UROC1: variants seen among roughly 807,000 people sequenced by gnomAD.
The protein encoded by UROC1 is urocanate hydratase 1.
A neutral mutation model predicts 89.5 loss-of-function variants in UROC1; 79 were observed. That is an observed-to-expected ratio of 0.88 (90% CI 0.74 to 1.06). The LOEUF is 1.06. Ranked by LOEUF, UROC1 falls within the 50% of genes least tolerant of loss-of-function variation. The probability of loss-of-function intolerance (pLI) is 0.00; values close to 1 mark genes in which losing one functional copy is unlikely to be tolerated. For synonymous variants in UROC1, 361 were observed against 354.8 expected (o/e 1.02, Z -0.20); for missense variants, 885 against 907.8 (o/e 0.97, Z 0.32).
At chr3:126,510,096 C>G (rs971926164) in intron 2 of UROC1, among the ~76,000 whole-genome samples, 1 of 152,186 alleles carries the variant, frequency 6.6e-6, no homozygotes, top group Non-Finnish European at 1.5e-5. Flanking sequence ...GGGAACAACC[C>G]TGGGATGACT....
chr3:126,503,976 G>C lies in UROC1; in HGVS notation c.902+19C>G, dbSNP rs376055817. On this transcript the variant is annotated intron_variant, in intron 9 of 19. Coordinates refer to ENST00000290868, the MANE Select transcript of UROC1 (RefSeq NM_144639.3). ...ACGTGTCAGGTGTCAGGTGTCCGGA[G>C]TTGAGCTTGGAGCTGTACCTGAGCC... The C allele has an allele frequency of 6.2e-7, 1 of 1,613,898 alleles. No homozygotes were observed. Among genetic ancestry groups the C allele is most frequent in the African/African-American group, 1.3e-5 (1 of 75,066 alleles).
At chr3:126,506,755 A>G (rs1368566312) in intron 6 of UROC1, among the ~76,000 whole-genome samples, 1 of 152,224 alleles carries the variant, frequency 6.6e-6, no homozygotes, top group Non-Finnish European at 1.5e-5. Flanking sequence ...TCTCCTTTTC[A>G]GTGTAGCTCC....
chr3:126,503,149 C>T (rs1935976569), intron 9 of UROC1, among the ~76,000 whole-genome samples: 1 of 152,150 alleles, frequency 6.6e-6, no homozygotes, highest in African/African-American at 2.4e-5. Flanking sequence ...TTTCTTCTAT[C>T]ATTGATGAAA....
chr3:126,501,392 G>T, intron 9 of UROC1, 112 bp from the exon 10 acceptor site: 1 of 1,331,318 alleles, frequency 7.5e-7, no homozygotes, highest in Non-Finnish European at 1.1e-6. Flanking sequence ...CACCAGAGGT[G>T]TTGTGTGCAA....
intron 1 of UROC1, 38 bp downstream of exon 1, chr3:126,517,556 A>G (rs1176364326): frequency 6.2e-7 from 1 of 1,612,064 alleles, no homozygotes; most frequent in Admixed American, 1.7e-5. Flanking sequence ...GAGGATGCCT[A>G]GAGGCCAAGG....
At chr3:126,498,767 C>A (rs952233177) in intron 13 of UROC1, among the ~76,000 whole-genome samples, 1 of 152,174 alleles carries the variant, frequency 6.6e-6, no homozygotes, top group East Asian at 1.9e-4. Flanking sequence ...ACCTCCATCT[C>A]TCTCTCGTCC....
intron 2 of UROC1, 27 bp from the exon 3 acceptor site, chr3:126,509,705 C>CTTT: frequency 1.3e-6 from 2 of 1,546,990 alleles, no homozygotes; most frequent in Non-Finnish European, 1.7e-6. Context: ...AACCACCAGG[C>CTTT]TGCCCTTCCC....
rs75489116 is a variant in UROC1, at chr3:126,482,527, G to A, written c.1891-42C>T. 5.4e-3 allele frequency: 8,639 copies of A among 1,613,258 alleles called. 424 individuals are homozygous for A. The African/African-American group carries it at 0.1, about 19-fold the overall frequency. On this transcript the variant is annotated intron_variant, in intron 19 of 19. Transcript: ENST00000290868. ...GATAGCAGTCCATGTCAACATAACC[G>A]GGCTCCCCACGTGAGTCTTGGCTCC...
rs1416279441 is a variant in UROC1 at position 126,496,095 on chromosome 3, C to T, written c.1452G>A (p.Val484=). 3.1e-6 allele frequency: 5 copies of T among 1,613,290 alleles called. No individual in the cohort carries two copies. Among genetic ancestry groups the T allele is most frequent in the Non-Finnish European group, 4.2e-6 (5 of 1,179,938 alleles). The part of the protein sequence containing the change: ...EAIADGVKVS[V]KLQYMDNIRW... Reference sequence around the variant, plus strand: ...GGATGTTGTCCATGTACTGCAGCTTCACAGACACCTTCACTGCAGGAGAGA... The same window carrying T: ...GGATGTTGTCCATGTACTGCAGCTTTACAGACACCTTCACTGCAGGAGAGA... Residue 484 remains valine (V), a synonymous_variant, in exon 15 of 20, where the codon GTG becomes GTA. Coordinates refer to ENST00000290868, the MANE Select transcript of UROC1 (RefSeq NM_144639.3).
intron 18 of UROC1, among the ~76,000 whole-genome samples, chr3:126,486,661 A>T (rs1256116292): frequency 1.3e-5 from 2 of 152,240 alleles, no homozygotes; most frequent in Non-Finnish European, 2.9e-5. Context: ...AGTTCGGTCC[A>T]GGAATGTGAG....
chr3:126,483,235 C>CT, intron 19 of UROC1, 134 bp downstream of exon 19: 1 of 793,730 alleles, frequency 1.3e-6, no homozygotes, highest in Non-Finnish European at 2.1e-6. Context: ...TTCCTGGCTG[C>CT]TGTGCTGTGG....
chr3:126,489,657 C>T (rs1476569540), intron 16 of UROC1, among the ~76,000 whole-genome samples: 5 of 152,134 alleles, frequency 3.3e-5, no homozygotes, highest in African/African-American at 7.2e-5. Flanking sequence ...GATGAGAAAG[C>T]GGAGGCACAG....
At position 126,498,127 on chromosome 3, in the gene UROC1, T is replaced by G; in HGVS notation, c.1362A>C (p.Thr454=). The change falls in exon 14 of 20, where the codon ACA becomes ACC. Residue 454 remains threonine, a synonymous_variant. Transcript: ENST00000290868. ...CCGCCAGGTCCTGGGGGTCCCCCGATGTGCACACCCAGCGGAAAGGCCCAA... is the reference window on the plus strand; with the variant it reads ...CCGCCAGGTCCTGGGGGTCCCCCGAGGTGCACACCCAGCGGAAAGGCCCAA... ...QGFGPFRWVC[T]SGDPQDLAVT... 2 of 1,614,170 alleles carry G rather than the reference T, an allele frequency of 1.2e-6. No homozygotes were observed. Among genetic ancestry groups the G allele is most frequent in the Non-Finnish European group, 1.7e-6 (2 of 1,180,024 alleles).
intron 9 of UROC1, among the ~76,000 whole-genome samples, chr3:126,502,572 GTGTT>G (rs1407009606): frequency 2.6e-5 from 4 of 151,180 alleles, no homozygotes; most frequent in African/African-American, 9.7e-5. Context: ...ATGCATGTTT[GTGTT>G]TGTGTGTGCA....
At chr3:126,513,641 C>A (rs1002864080) in intron 1 of UROC1, among the ~76,000 whole-genome samples, 3 of 152,196 alleles carry the variant, frequency 2.0e-5, no homozygotes, top group African/African-American at 7.2e-5. Flanking sequence ...CTTAGAACAG[C>A]CCCTGGCACA....
intron 1 of UROC1, 99 bp from the exon 2 acceptor site, chr3:126,510,893 C>G: frequency 6.6e-7 from 1 of 1,507,548 alleles, no homozygotes; most frequent in East Asian, 2.4e-5. Context: ...GGATTTGTCT[C>G]TGCTCCACTC....
intron 1 of UROC1, among the ~76,000 whole-genome samples, chr3:126,513,732 C>T (rs985535921): frequency 6.6e-6 from 1 of 152,200 alleles, no homozygotes; most frequent in Admixed American, 6.5e-5. Flanking sequence ...TTCTTTCTTC[C>T]AGCTGGGCCT....
intron 1 of UROC1, among the ~76,000 whole-genome samples, chr3:126,513,634 A>G (rs1275194448): frequency 6.6e-6 from 1 of 152,198 alleles, no homozygotes; most frequent in Non-Finnish European, 1.5e-5. Flanking sequence ...TGAGGTACTT[A>G]GAACAGCCCC....
In UROC1 at chr3:126,496,075, T is replaced by C. The variant is rs377549414; in HGVS notation, c.1472A>G (p.Asn491Ser). The C allele has an allele frequency of 9.3e-6, 15 of 1,613,330 alleles. No individual in the cohort carries two copies. The African/African-American group carries it at 2.0e-4, about 22-fold the overall frequency. ...GGCGGCCTCCCGGATCCAGCGGATG[T>C]TGTCCATGTACTGCAGCTTCACAGA... is the stretch of plus-strand genomic sequence containing the variant. The part of the protein sequence containing the change: ...KVSVKLQYMD[N>S]IRWIREAARH... Residue 491 changes from asparagine to serine, a missense_variant, in exon 15 of 20, where the codon AAC (asparagine) becomes AGC (serine). Physicochemically the swap from Asn to Ser is conservative, Grantham distance 46. Coordinates refer to ENST00000290868, the MANE Select transcript of UROC1 (RefSeq NM_144639.3).
Sources: gnomAD v4.1 joint callset for allele counts (sites outside exome capture counted in the v4.1 genomes callset) on GRCh38, gnomAD v4.1.1 for gene constraint, MANE v1.5 for transcripts, NCBI Gene and HGNC (gene_info 2026-07-23, HGNC 2026-07-21) for gene names.